Variants in CDH18 observed in about 807,000 individuals in gnomAD.
The protein encoded by CDH18 is cadherin-18.
In CDH18, 31 loss-of-function variants were observed where a neutral mutation model predicts 67.9. The observed-to-expected ratio is 0.46, with a 90% confidence interval of 0.34 to 0.62. The LOEUF (loss-of-function observed/expected upper bound fraction) is 0.62, where lower values mean the gene tolerates loss of function less well. Ranked by LOEUF, CDH18 falls within the 20% of genes least tolerant of loss-of-function variation. CDH18 has a pLI of 0.01. For missense variants in CDH18, 890 were observed against 975.5 expected (o/e 0.91, Z 1.17); for synonymous variants, 362 against 347.2 (o/e 1.04, Z -0.48).
At chr5:19,511,167 G>A (rs1745057504) in intron 10 of CDH18, among the ~76,000 whole-genome samples, 1 of 152,034 alleles carries the variant, frequency 6.6e-6, no homozygotes, top group Non-Finnish European at 1.5e-5. Context: ...TCTCTTTCAT[G>A]CAGGCTTCTG....
At chr5:20,413,083 T>G (rs188611906) in intron 1 of CDH18, among the ~76,000 whole-genome samples, 315 of 152,332 alleles carry the variant, frequency 2.1e-3, no homozygotes, top group African/African-American at 7.4e-3. Context: ...GTCCTTGGGA[T>G]AGTTTGCTCA....
Position 20,150,783 on chromosome 5 carries a change from A to G in CDH18, c.-518+104661T>C, listed in dbSNP as rs192283081. Among the ~76,000 whole-genome samples, 33 of 152,180 alleles carry G rather than the reference A, an allele frequency of 2.2e-4. No homozygotes were observed. The East Asian group carries it at 6.4e-3, about 29-fold the overall frequency. Reference sequence around the variant, plus strand: ...TAACTACAAGATTATAAGCCTCATAATCAAAATGCATGTTTAAAGCTTTGT... The same window carrying G: ...TAACTACAAGATTATAAGCCTCATAGTCAAAATGCATGTTTAAAGCTTTGT... On this transcript the variant is annotated intron_variant, in intron 2 of 14. Coordinates refer to the CDH18 transcript ENST00000507958.
intron 1 of CDH18, among the ~76,000 whole-genome samples, chr5:20,502,483 C>A (rs1230649483): frequency 6.6e-6 from 1 of 152,110 alleles, no homozygotes; most frequent in Non-Finnish European, 1.5e-5. Context: ...TTATTCAGTT[C>A]TAATGGGTAG....
chr5:19,925,852 C>A (rs1049032743), intron 2 of CDH18, among the ~76,000 whole-genome samples: 4 of 152,062 alleles, frequency 2.6e-5, no homozygotes, highest in Admixed American at 6.6e-5. Context: ...ACTATCATTT[C>A]TTTTATGCAG....
chr5:19,483,618 T>A (rs1739871345), intron 11 of CDH18, 66 bp from the exon 12 acceptor site: 5 of 1,486,948 alleles, frequency 3.4e-6, no homozygotes, highest in Non-Finnish European at 4.5e-6. Context: ...CACATTTCCT[T>A]TAATGGATAA....
At chr5:19,832,563 T>C (rs1306744030) in intron 3 of CDH18, among the ~76,000 whole-genome samples, 1 of 152,148 alleles carries the variant, frequency 6.6e-6, no homozygotes, top group Non-Finnish European at 1.5e-5. Context: ...AAGACTGCTA[T>C]GAAATTTCTT....
intron 2 of CDH18, among the ~76,000 whole-genome samples, chr5:20,106,211 A>G (rs1746926507): frequency 6.6e-6 from 1 of 152,168 alleles, no homozygotes; most frequent in Non-Finnish European, 1.5e-5. Flanking sequence ...ACCTACCTCC[A>G]CAGCTCACAC....
intron 1 of CDH18, among the ~76,000 whole-genome samples, chr5:20,358,430 A>T (rs5025649): frequency 0.42 from 63,688 of 152,058 alleles, 15,429 homozygotes; most frequent in Middle Eastern, 0.62. Context: ...CAGGTGATAA[A>T]GGGTACAGAT....
At chr5:19,800,625 A>G (rs2149845986) in intron 3 of CDH18, among the ~76,000 whole-genome samples, 1 of 152,342 alleles carries the variant, frequency 6.6e-6, no homozygotes, top group Middle Eastern at 3.4e-3. Context: ...AATTAAAGAT[A>G]AAACACTATG....
At chr5:20,541,076 T>C (rs947751797) in intron 1 of CDH18, among the ~76,000 whole-genome samples, 3 of 152,184 alleles carry the variant, frequency 2.0e-5, no homozygotes, top group Non-Finnish European at 4.4e-5. Context: ...TCGGATTAAA[T>C]ATCATCCTCC....
At chr5:19,977,273 C>T (rs1798588968) in intron 2 of CDH18, among the ~76,000 whole-genome samples, 1 of 152,168 alleles carries the variant, frequency 6.6e-6, no homozygotes, top group African/African-American at 2.4e-5. Context: ...TCTTTGGAAG[C>T]AGATCAGATG....
intron 2 of CDH18, among the ~76,000 whole-genome samples, chr5:20,213,612 T>A (rs942274775): frequency 6.6e-6 from 1 of 151,978 alleles, no homozygotes; most frequent in Non-Finnish European, 1.5e-5. Context: ...TGGAAGGGAG[T>A]ATGTGTCCAG....
chr5:20,243,796 G>A (rs138754403), intron 2 of CDH18, among the ~76,000 whole-genome samples: 1 of 152,120 alleles, frequency 6.6e-6, no homozygotes, highest in Non-Finnish European at 1.5e-5. Context: ...TTGTAGCCTA[G>A]ACTAGTGAAA....
chr5:20,427,643 A>G (rs1215982528), intron 1 of CDH18, among the ~76,000 whole-genome samples: 5 of 151,118 alleles, frequency 3.3e-5, no homozygotes, highest in African/African-American at 7.4e-5. Context: ...TGTAAAATGG[A>G]CATTGGTCTA....
intron 9 of CDH18, among the ~76,000 whole-genome samples, chr5:19,540,345 TG>T (rs1750062421): frequency 6.6e-6 from 1 of 152,142 alleles, no homozygotes; most frequent in East Asian, 1.9e-4. Flanking sequence ...GGGCTGGCAT[TG>T]AGTGTCTGTG....
At chr5:20,207,513 A>G (rs1184209287) in intron 2 of CDH18, among the ~76,000 whole-genome samples, 2 of 152,092 alleles carry the variant, frequency 1.3e-5, no homozygotes, top group Non-Finnish European at 2.9e-5. Context: ...AGAAGCTCAC[A>G]ATCATGGTGG....
chr5:20,519,127 G>T (rs1157264826), intron 1 of CDH18, among the ~76,000 whole-genome samples: 1 of 152,090 alleles, frequency 6.6e-6, no homozygotes, highest in East Asian at 1.9e-4. Context: ...TATTCTTGTT[G>T]TGATTTTCAC....
intron 1 of CDH18, among the ~76,000 whole-genome samples, chr5:20,432,895 T>A (rs566014447): frequency 4.7e-5 from 7 of 149,630 alleles, no homozygotes; most frequent in South Asian, 4.2e-4. Flanking sequence ...TTAAAAAAAA[T>A]TATATAATAT....
rs148896061 is a variant in CDH18, at chr5:19,823,296, G to A, written c.228+15463C>T. On this transcript the variant is annotated intron_variant, in intron 3 of 12. Coordinates refer to ENST00000382275, the MANE Select transcript of CDH18 (RefSeq NM_004934.5). ...GATTAAGAGATTAAAGTAAAGACAG[G>A]CATAGGGAATCACAAGGGTATTGAT... 7.9e-5 allele frequency among the ~76,000 whole-genome samples: 12 copies of A among 152,246 alleles called. No homozygotes were observed. In the East Asian group the frequency reaches 1.7e-3, roughly 22 times the overall value.
Sources: gnomAD v4.1 joint callset for allele counts (sites outside exome capture counted in the v4.1 genomes callset) on GRCh38, gnomAD v4.1.1 for gene constraint, MANE v1.5 for transcripts, NCBI Gene and HGNC (gene_info 2026-07-23, HGNC 2026-07-21) for gene names.